Variants in CREB3L1 observed in about 807,000 individuals in gnomAD.
CREB3L1 encodes cAMP responsive element binding protein 3 like 1.
Under a neutral mutation model 54.5 loss-of-function variants are expected in CREB3L1, and 33 were observed. That is an observed-to-expected ratio of 0.61 (90% CI 0.46 to 0.81). CREB3L1 has a LOEUF of 0.81. Ranked by LOEUF, CREB3L1 falls within the 30% of genes least tolerant of loss-of-function variation. The pLI is 0.00. For synonymous variants in CREB3L1, 284 were observed against 286.4 expected (o/e 0.99, Z 0.08); for missense variants, 656 against 673.3 (o/e 0.97, Z 0.29).
chr11:46,292,988 T>G (rs1318043088), intron 1 of CREB3L1, among the ~76,000 whole-genome samples: 1 of 152,182 alleles, frequency 6.6e-6, no homozygotes, highest in Non-Finnish European at 1.5e-5. Flanking sequence ...AGACTTGGAC[T>G]TACCCTTCAT....
intron 9 of CREB3L1, 84 bp from the exon 10 acceptor site, chr11:46,317,277 T>A: frequency 6.4e-7 from 1 of 1,557,176 alleles, no homozygotes; most frequent in Non-Finnish European, 8.8e-7. Flanking sequence ...TTGTGCCTGT[T>A]GGTTTGGGAG....
At chr11:46,305,696 G>A (rs1566187767) in intron 2 of CREB3L1, among the ~76,000 whole-genome samples, 31 of 105,822 alleles carry the variant, frequency 2.9e-4, no homozygotes, top group African/African-American at 9.2e-4. Context: ...ATATATGTGT[G>A]TGTGTGTGTG....
Position 46,312,416 on chromosome 11 carries a change from C to G in CREB3L1, c.845C>G (p.Pro282Arg). 1 of 1,613,842 alleles carries G rather than the reference C, an allele frequency of 6.2e-7. No individual in the cohort carries two copies. The highest frequency in any genetic ancestry group is 1.1e-5 in the South Asian group (1 of 91,076). Residue 282 changes from proline to arginine, a missense_variant, in exon 6 of 12, where the codon CCC becomes CGC. By Grantham distance (103) the Pro-to-Arg change is moderately radical. This residue lies in a region of CREB3L1 where 77 missense variants were observed against 122.0 expected (regional missense o/e 0.63). Transcript: ENST00000621158. ...AEGYPIPTKL[P>R]LTKAEEKALK... ...GGCTACCCCATCCCCACAAAACTCCCCCTCACCAAAGCCGAGGAGAAGGCC... is the reference window on the plus strand; with the variant it reads ...GGCTACCCCATCCCCACAAAACTCCGCCTCACCAAAGCCGAGGAGAAGGCC...
In CREB3L1 at chr11:46,312,393, C is replaced by A. The variant is rs1939499073; in HGVS notation, c.822C>A (p.Gly274=). The part of the protein sequence containing the change: ...EEEKRTLIAE[G]YPIPTKLPLT... ...AGAAGCGGACCCTGATTGCTGAGGG[C>A]TACCCCATCCCCACAAAACTCCCCC... The change falls in exon 6 of 12, where the codon GGC becomes GGA. Residue 274 remains glycine (G), a synonymous_variant. Transcript: ENST00000621158. 2 of 1,613,576 alleles carry A rather than the reference C, an allele frequency of 1.2e-6. No homozygotes were observed. Among genetic ancestry groups the A allele is most frequent in the Non-Finnish European group, 1.7e-6 (2 of 1,179,738 alleles).
chr11:46,307,751 CA>C, intron 2 of CREB3L1, 64 bp from the exon 3 acceptor site: 1 of 1,389,690 alleles, frequency 7.2e-7, no homozygotes, highest in Non-Finnish European at 9.6e-7. Context: ...GGGTAGCTCC[CA>C]GGGGGCAGGC....
In CREB3L1 at chr11:46,284,363, T is replaced by A. The variant is rs142892930; in HGVS notation, c.102+6150T>A. On this transcript the variant is annotated intron_variant, in intron 1 of 11. Coordinates refer to ENST00000621158, the MANE Select transcript of CREB3L1 (RefSeq NM_052854.4). The stretch of plus-strand genomic sequence containing the variant: ...AGTGGCAAAGGAGTTATTAGAAGGC[T>A]TTTCTGGCCAGGCATGGTAGCTCAT... Among the ~76,000 whole-genome samples the A allele has an allele frequency of 3.9e-3, 589 of 152,110 alleles. 3 individuals are homozygous for A. The highest frequency in any genetic ancestry group is 0.013 in the African/African-American group (558 of 41,490).
intron 3 of CREB3L1, among the ~76,000 whole-genome samples, chr11:46,309,697 T>C (rs1939455863): frequency 6.6e-6 from 1 of 152,226 alleles, no homozygotes; most frequent in Non-Finnish European, 1.5e-5. Flanking sequence ...AAAGCCTGTG[T>C]GGCCTTCACA....
In CREB3L1 at chr11:46,307,232, A is replaced by G. The variant is rs190327376; in HGVS notation, c.332-584A>G. On this transcript the variant is annotated intron_variant, in intron 2 of 11. Coordinates refer to ENST00000621158, the MANE Select transcript of CREB3L1 (RefSeq NM_052854.4). ...TGAGTAGCTGGGATTATAGACACAC[A>G]CCACCACACCTAGCTAATTTTGTGT... is the stretch of plus-strand genomic sequence containing the variant. Among the ~76,000 whole-genome samples the G allele has an allele frequency of 1.3e-4, 20 of 151,934 alleles. No individual in the cohort carries two copies. The East Asian group carries it at 3.9e-3, about 29-fold the overall frequency.
intron 10 of CREB3L1, 145 bp downstream of exon 10, chr11:46,317,632 C>A: frequency 1.9e-6 from 2 of 1,067,658 alleles, no homozygotes; most frequent in Non-Finnish European, 2.6e-6. Context: ...GATGGGGAAA[C>A]CGAGGCCCAA....
At chr11:46,318,131 T>A (rs917812539) in intron 10 of CREB3L1, among the ~76,000 whole-genome samples, 2 of 151,882 alleles carry the variant, frequency 1.3e-5, no homozygotes, top group African/African-American at 4.8e-5. Context: ...GACAGGAGAA[T>A]CACTTGAAAC....
intron 7 of CREB3L1, 71 bp from the exon 8 acceptor site, chr11:46,312,780 G>C: frequency 6.5e-7 from 1 of 1,548,280 alleles, no homozygotes; most frequent in Non-Finnish European, 8.8e-7. Context: ...TGTGATGGTG[G>C]TGGGCTGGGC....
intron 3 of CREB3L1, among the ~76,000 whole-genome samples, chr11:46,308,299 G>A (rs906485394): frequency 2.0e-5 from 3 of 152,136 alleles, no homozygotes; most frequent in African/African-American, 7.2e-5. Flanking sequence ...CCCAGTCCAG[G>A]GTCTCAGAGG....
In CREB3L1 at chr11:46,320,904, G is replaced by T. The variant is rs527801791; in HGVS notation, c.*158G>T. On this transcript the variant is annotated 3_prime_UTR_variant, in exon 12 of 12. Coordinates refer to ENST00000621158, the MANE Select transcript of CREB3L1 (RefSeq NM_052854.4). ...AGCCCTTCCTTGCCCCTGACATTTG[G>T]ACTCTTCCCTTGGGCCGACCACTCT... is the stretch of plus-strand genomic sequence containing the variant. 7 of 801,612 alleles carry T rather than the reference G, an allele frequency of 8.7e-6. No individual in the cohort carries two copies. In the South Asian group the frequency reaches 1.0e-4, roughly 12 times the overall value. The allele number at this position is 801,612 out of a possible 1,614,324, so 49.7% of individuals were successfully genotyped here.
intron 1 of CREB3L1, among the ~76,000 whole-genome samples, chr11:46,280,132 G>A (rs1938944886): frequency 6.6e-6 from 1 of 151,830 alleles, no homozygotes; most frequent in Non-Finnish European, 1.5e-5. Context: ...TCTGCCACCA[G>A]CCAGCGGGAC....
At chr11:46,318,584 A>G (rs575044881) in intron 10 of CREB3L1, among the ~76,000 whole-genome samples, 1 of 152,194 alleles carries the variant, frequency 6.6e-6, no homozygotes, top group African/African-American at 2.4e-5. Context: ...CACGGAGGAG[A>G]GAATAGCTAC....
At chr11:46,320,184 C>G (rs983596954) in intron 10 of CREB3L1, 80 bp from the exon 11 acceptor site, 15 of 1,448,890 alleles carry the variant, frequency 1.0e-5, no homozygotes. Flanking sequence ...GGGCCTGCGT[C>G]CTTAACCACT....
intron 1 of CREB3L1, among the ~76,000 whole-genome samples, chr11:46,284,513 G>C (rs138997560): frequency 8.6e-5 from 13 of 152,016 alleles, no homozygotes; most frequent in African/African-American, 3.1e-4. Context: ...AATTAGCCAG[G>C]CATGGTGGCA....
chr11:46,306,775 CTTTT>C (rs796296141), intron 2 of CREB3L1, among the ~76,000 whole-genome samples: 1 of 144,398 alleles, frequency 6.9e-6, no homozygotes, highest in African/African-American at 2.5e-5. Flanking sequence ...AACACTTACT[CTTTT>C]TTTTTTTTCA....
At chr11:46,289,823 T>C (rs569489986) in intron 1 of CREB3L1, among the ~76,000 whole-genome samples, 1 of 152,292 alleles carries the variant, frequency 6.6e-6, no homozygotes, top group Non-Finnish European at 1.5e-5. Flanking sequence ...GCTGAGGAGC[T>C]GGGAGTTTTT....
Sources: gnomAD v4.1 joint callset for allele counts (sites outside exome capture counted in the v4.1 genomes callset) on GRCh38, gnomAD v4.1.1 for gene constraint, gnomAD v4.1.1 regional missense constraint, MANE v1.5 for transcripts, NCBI Gene and HGNC (gene_info 2026-07-23, HGNC 2026-07-21) for gene names.